The following GCH1 variants were observed in gnomAD, a reference collection of about 807,000 sequenced individuals.
GCH1 encodes the protein GTP cyclohydrolase 1, also known as GTP cyclohydrolase I.
GCH1 carries 5 observed loss-of-function variants against 25.9 expected under a neutral mutation model. The observed-to-expected ratio is 0.19, with a 90% CI of 0.10 to 0.41. GCH1 has a LOEUF of 0.41. Ranked by LOEUF, GCH1 falls within the 10% of genes least tolerant of loss-of-function variation. The probability of loss-of-function intolerance (pLI) is 1.00; values close to 1 mark genes in which losing one functional copy is unlikely to be tolerated. For missense variants in GCH1, 261 were observed against 336.5 expected, an observed-to-expected ratio of 0.78 and a Z score of 1.75; for synonymous variants, 159 against 129.6, an observed-to-expected ratio of 1.23 and a Z score of -1.54.
At chr14:54,898,141 A>C (rs1218781507) in intron 1 of GCH1, among the ~76,000 whole-genome samples, 2 of 152,202 alleles carry the variant, frequency 1.3e-5, no homozygotes, top group Non-Finnish European at 2.9e-5. Context: ...GCACTTTGGG[A>C]GACCAAGAGG....
chr14:54,886,785 G>A (rs1159616417), intron 1 of GCH1, among the ~76,000 whole-genome samples: 1 of 152,156 alleles, frequency 6.6e-6, no homozygotes, highest in Non-Finnish European at 1.5e-5. Flanking sequence ...ATCTTGGGCT[G>A]AACTCAACCT....
chr14:54,901,358 GA>G (rs2040563955), intron 1 of GCH1, among the ~76,000 whole-genome samples: 1 of 150,666 alleles, frequency 6.6e-6, no homozygotes, highest in South Asian at 2.1e-4. Flanking sequence ...GTAGAAGCCA[GA>G]AGCTTTATTT....
At chr14:54,893,425 A>C (rs542458297) in intron 1 of GCH1, among the ~76,000 whole-genome samples, 1 of 152,330 alleles carries the variant, frequency 6.6e-6, no homozygotes, top group African/African-American at 2.4e-5. Flanking sequence ...AATCACTGGC[A>C]AATGAGTCAG....
intron 1 of GCH1, among the ~76,000 whole-genome samples, chr14:54,887,895 T>C (rs1364710684): frequency 1.3e-5 from 2 of 152,214 alleles, no homozygotes; most frequent in Non-Finnish European, 2.9e-5. Context: ...AGTTTACAAA[T>C]ACATGAGACT....
At position 54,902,312 on chromosome 14, in the gene GCH1, C is replaced by T; in HGVS notation, c.343+9G>A. ...CCCGCACGCTCTAGCAGCCCGCGGG[C>T]GCACTGACCTGAGATGGTCTCCTGG... On this transcript the variant is annotated intron_variant, in intron 1 of 5. Coordinates refer to ENST00000491895, the MANE Select transcript of GCH1 (RefSeq NM_000161.3). The T allele has an allele frequency of 6.2e-7, 1 of 1,611,362 alleles. No homozygotes were observed. Among genetic ancestry groups the T allele is most frequent in the Non-Finnish European group, 8.5e-7 (1 of 1,179,492 alleles).
chr14:54,891,279 A>AT (rs1285021512), intron 1 of GCH1, among the ~76,000 whole-genome samples: 1 of 150,166 alleles, frequency 6.7e-6, no homozygotes, highest in East Asian at 2.0e-4. Context: ...ATTTTTTTGT[A>AT]TTTTTAGTAG....
intron 1 of GCH1, among the ~76,000 whole-genome samples, chr14:54,871,748 T>C (rs930082051): frequency 6.6e-6 from 1 of 152,128 alleles, no homozygotes; most frequent in African/African-American, 2.4e-5. Context: ...AGGGTATCAG[T>C]GATGGAAGAT....
In GCH1 at chr14:54,902,466, C is replaced by A; in HGVS notation, c.198G>T (p.Leu66=). ...ERPRSEEDNE[L]NLPNLAAAYS... ...AGGCGGCTGCCAGGTTAGGGAGGTT[C>A]AGCTCGTTATCCTCCTCGCTGCGGG... is the stretch of plus-strand genomic sequence containing the variant. The change falls in exon 1 of 6, where the codon CTG becomes CTT. Residue 66 remains leucine, a synonymous_variant. Coordinates refer to ENST00000491895, the MANE Select transcript of GCH1 (RefSeq NM_000161.3). The A allele has an allele frequency of 6.2e-7, 1 of 1,612,476 alleles. No homozygotes were observed.
chr14:54,900,329 C>G (rs564650035), intron 1 of GCH1, among the ~76,000 whole-genome samples: 1 of 152,004 alleles, frequency 6.6e-6, no homozygotes, highest in African/African-American at 2.4e-5. Flanking sequence ...CCTGCCTCAG[C>G]CTCCCGAGTA....
chr14:54,868,948 A>C lies in GCH1; in HGVS notation c.344-3512T>G, dbSNP rs1394653251. Among the ~76,000 whole-genome samples, 6 of 151,938 alleles carry C rather than the reference A, an allele frequency of 3.9e-5. No homozygotes were observed. In the East Asian group the frequency reaches 1.2e-3, roughly 29 times the overall value. On this transcript the variant is annotated intron_variant, in intron 1 of 5. Transcript: ENST00000491895. Reference sequence around the variant, plus strand: ...GAGATGGGATCTTGATATATTGCTCAAGCTAGTCTTAAACTCCACGGCTCA... The same window carrying C: ...GAGATGGGATCTTGATATATTGCTCCAGCTAGTCTTAAACTCCACGGCTCA...
intron 1 of GCH1, among the ~76,000 whole-genome samples, chr14:54,900,062 C>T (rs2040541680): frequency 6.6e-6 from 1 of 151,672 alleles, no homozygotes; most frequent in Admixed American, 6.6e-5. Context: ...AATGGGTTTT[C>T]CCATGTTGGC....
chr14:54,874,696 A>G (rs2040132508), intron 1 of GCH1, among the ~76,000 whole-genome samples: 1 of 152,226 alleles, frequency 6.6e-6, no homozygotes, highest in East Asian at 1.9e-4. Flanking sequence ...CTATACACCA[A>G]TAACAGACAA....
chr14:54,886,439 C>T (rs1296971504), intron 1 of GCH1, among the ~76,000 whole-genome samples: 1 of 151,250 alleles, frequency 6.6e-6, no homozygotes, highest in African/African-American at 2.4e-5. Context: ...AGTGAAACCC[C>T]GTCTCTACTA....
At chr14:54,870,517 G>A (rs1459028003) in intron 1 of GCH1, among the ~76,000 whole-genome samples, 1 of 152,152 alleles carries the variant, frequency 6.6e-6, no homozygotes, top group Non-Finnish European at 1.5e-5. Context: ...GACAGGGGGT[G>A]CAGCGCACCC....
intron 1 of GCH1, among the ~76,000 whole-genome samples, chr14:54,867,461 G>A (rs2040003999): frequency 6.6e-6 from 1 of 151,904 alleles, no homozygotes. Flanking sequence ...GGTGGTGCAT[G>A]CCTGTAGTCC....
chr14:54,843,312 TA>T lies in GCH1; in HGVS notation c.*704del. 1 of 1,331,946 alleles carries T rather than the reference TA, an allele frequency of 7.5e-7. No individual in the cohort carries two copies. The highest frequency in any genetic ancestry group is 9.6e-7 in the Non-Finnish European group (1 of 1,045,794). The allele number at this position is 1,331,946 out of a possible 1,614,324, so 82.5% of individuals were successfully genotyped here. ...ATATTCTTATCAAGGCACAGAGAGT[TA>T]AATGTCTAAATCCCTGTATGTTGAC... On this transcript the variant is annotated 3_prime_UTR_variant, in exon 6 of 6. Coordinates refer to ENST00000491895, the MANE Select transcript of GCH1 (RefSeq NM_000161.3).
rs1594970202 is a variant in GCH1 at position 54,845,857 on chromosome 14, G to C, written c.542-5C>G. 4.5e-6 allele frequency: 7 copies of C among 1,553,918 alleles called. No homozygotes were observed. In the East Asian group the frequency reaches 1.6e-4, roughly 35 times the overall value. ...GTTTTGTAAGGCGCTCCTGAACTGTGGATGTGATAAGGAGCTCAGTTTGAG... is the reference window on the plus strand; with the variant it reads ...GTTTTGTAAGGCGCTCCTGAACTGTCGATGTGATAAGGAGCTCAGTTTGAG... On this transcript the variant is annotated splice_polypyrimidine_tract_variant and splice_region_variant and intron_variant, in intron 4 of 5. Coordinates refer to ENST00000491895, the MANE Select transcript of GCH1 (RefSeq NM_000161.3).
intron 1 of GCH1, among the ~76,000 whole-genome samples, chr14:54,901,578 G>T (rs528618611): frequency 1.3e-5 from 2 of 152,240 alleles, no homozygotes; most frequent in East Asian, 3.9e-4. Flanking sequence ...CTGAGTCCTG[G>T]AACCCACGGA....
intron 1 of GCH1, among the ~76,000 whole-genome samples, chr14:54,900,054 T>C (rs928862858): frequency 6.6e-6 from 1 of 151,686 alleles, no homozygotes; most frequent in Non-Finnish European, 1.5e-5. Context: ...TGGTAGAGAA[T>C]GGGTTTTCCC....
Sources: gnomAD v4.1 joint callset for allele counts (sites outside exome capture counted in the v4.1 genomes callset) on GRCh38, gnomAD v4.1.1 for gene constraint, MANE v1.5 for transcripts, NCBI Gene and HGNC (gene_info 2026-07-23, HGNC 2026-07-21) for gene names.